Variants in LCA5 observed in about 807,000 individuals in gnomAD.
LCA5 encodes lebercilin LCA5.
In LCA5, 37 loss-of-function variants were observed where a neutral mutation model predicts 53.0. The observed-to-expected ratio is 0.70, with a 90% confidence interval of 0.54 to 0.92. The LOEUF (loss-of-function observed/expected upper bound fraction) is 0.92. Ranked by LOEUF, LCA5 falls within the 40% of genes least tolerant of loss-of-function variation. LCA5 has a pLI of 0.00. For missense variants in LCA5, 806 were observed against 790.5 expected (o/e 1.02, Z -0.23); for synonymous variants, 303 against 282.9 (o/e 1.07, Z -0.71).
intron 1 of LCA5, among the ~76,000 whole-genome samples, chr6:79,522,668 A>T (rs1306218478): frequency 6.6e-6 from 1 of 152,192 alleles, no homozygotes; most frequent in Non-Finnish European, 1.5e-5. Context: ...TTAAAAAATT[A>T]TAATCAAGAA....
At chr6:79,500,491 A>G (rs1770108426) in intron 3 of LCA5, among the ~76,000 whole-genome samples, 1 of 152,210 alleles carries the variant, frequency 6.6e-6, no homozygotes, top group African/African-American at 2.4e-5. Context: ...CAGCTGTTTT[A>G]ACATCTGTTC....
At chr6:79,507,123 T>C (rs9352743) in intron 3 of LCA5, among the ~76,000 whole-genome samples, 18,123 of 152,162 alleles carry the variant, frequency 0.12, 1,969 homozygotes, top group East Asian at 0.58. Flanking sequence ...CTCAATTTTC[T>C]TCATACTTAT....
At chr6:79,534,250 G>T (rs1767043837) in intron 1 of LCA5, among the ~76,000 whole-genome samples, 1 of 151,766 alleles carries the variant, frequency 6.6e-6, no homozygotes, top group Non-Finnish European at 1.5e-5. Context: ...TTTAAAGTAT[G>T]ATCAAATATG....
chr6:79,497,744 G>A (rs772755854), intron 3 of LCA5, among the ~76,000 whole-genome samples: 1 of 152,074 alleles, frequency 6.6e-6, no homozygotes, highest in African/African-American at 2.4e-5. Context: ...GGAGGCCGAC[G>A]CGGGCAGATC....
At chr6:79,492,433 C>T (rs1387579541) in intron 5 of LCA5, 118 bp downstream of exon 5, 2 of 488,448 alleles carry the variant, frequency 4.1e-6, no homozygotes, top group Non-Finnish European at 3.7e-6. Context: ...GCAACAAATA[C>T]ATTTATTTTA....
chr6:79,492,613 T>A lies in LCA5; in HGVS notation c.893A>T (p.Tyr298Phe), dbSNP rs934682734. 2 of 1,564,730 alleles carry A rather than the reference T, an allele frequency of 1.3e-6. No homozygotes were observed. Among genetic ancestry groups the A allele is most frequent in the Admixed American group, 3.4e-5 (2 of 58,504 alleles). The change falls in exon 5 of 8, where the codon TAT (tyrosine) becomes TTT (phenylalanine). Residue 298 changes from tyrosine to phenylalanine, a missense_variant. By Grantham distance (22) the Tyr-to-Phe change is conservative. Coordinates refer to ENST00000369846, the MANE Select transcript of LCA5 (RefSeq NM_001122769.3). ...KERELDIKNI[Y>F]SNRLPKSSPN... is the part of the protein sequence containing the mutation. The stretch of plus-strand genomic sequence containing the variant: ...AGAGGACTTTGGCAGACGATTAGAA[T>A]ATATATTTTTTATATCCAGTTCTCT...
At chr6:79,536,279 T>A (rs1767116704) in intron 1 of LCA5, among the ~76,000 whole-genome samples, 1 of 151,958 alleles carries the variant, frequency 6.6e-6, no homozygotes, top group South Asian at 2.1e-4. Context: ...GAAACATCGG[T>A]TTTACCATTC....
At chr6:79,494,852 G>T (rs1461082772) in intron 3 of LCA5, among the ~76,000 whole-genome samples, 4 of 152,186 alleles carry the variant, frequency 2.6e-5, no homozygotes, top group African/African-American at 7.2e-5. Context: ...CAGGGTAAAT[G>T]TTAAGAAATA....
chr6:79,530,371 G>A (rs1766922030), intron 1 of LCA5, among the ~76,000 whole-genome samples: 1 of 152,102 alleles, frequency 6.6e-6, no homozygotes, highest in Non-Finnish European at 1.5e-5. Flanking sequence ...TGAAGGGTGG[G>A]ATGAGGGAGG....
intron 1 of LCA5, among the ~76,000 whole-genome samples, chr6:79,536,729 C>T (rs756344888): frequency 1.3e-4 from 20 of 152,176 alleles, no homozygotes; most frequent in Non-Finnish European, 2.2e-4. Flanking sequence ...CCTCCTTTTC[C>T]GTCTTGGCCC....
chr6:79,513,445 G>T lies in LCA5; in HGVS notation c.487C>A (p.Arg163Ser). 1 of 1,613,670 alleles carries T rather than the reference G, an allele frequency of 6.2e-7. No homozygotes were observed. Residue 163 changes from arginine to serine, a missense_variant, in exon 3 of 8, where the codon CGT becomes AGT. By Grantham distance (110) the Arg-to-Ser change is moderately radical (BLOSUM62 -1). Transcript: ENST00000369846. Reference protein sequence around the residue: ...AENEISQLIFRHNNEITALKE... With the variant: ...AENEISQLIFSHNNEITALKE... ...AGTGCTGTAATCTCATTGTTATGAC[G>T]AAATATAAGTTGTGAGATTTCATTT...
At chr6:79,508,751 A>G (rs1770334575) in intron 3 of LCA5, among the ~76,000 whole-genome samples, 1 of 152,182 alleles carries the variant, frequency 6.6e-6, no homozygotes, top group South Asian at 2.1e-4. Flanking sequence ...GGATTTTCTT[A>G]GGTTTTAGTT....
At chr6:79,491,129 C>A (rs1003590057) in intron 6 of LCA5, among the ~76,000 whole-genome samples, 3 of 151,770 alleles carry the variant, frequency 2.0e-5, no homozygotes, top group Admixed American at 1.3e-4. Flanking sequence ...GATAAAAGTA[C>A]TGAGGGTTTT....
In LCA5 at chr6:79,516,986, A is replaced by G. The variant is rs1766457445; in HGVS notation, c.190+1719T>C. Among the ~76,000 whole-genome samples, 4 of 152,034 alleles carry G rather than the reference A, an allele frequency of 2.6e-5. 1 individual carries two copies. In the South Asian group the frequency reaches 8.3e-4, roughly 31 times the overall value. On this transcript the variant is annotated intron_variant, in intron 2 of 7. Transcript: ENST00000369846. ...ATACTGCATGAATTTTATGCAAAAAAAAGTAAAGTATGCTGAAAATTAAGG... is the reference window on the plus strand; with the variant it reads ...ATACTGCATGAATTTTATGCAAAAAGAAGTAAAGTATGCTGAAAATTAAGG...
chr6:79,492,576 C>T lies in LCA5; in HGVS notation c.930G>A (p.Glu310=), dbSNP rs1213714915. ...CATTTTTTCTTAATGCAAGTTCTTT[C>T]TCTTTATTTGGAGAGGACTTTGGCA... ...NRLPKSSPNK[E]KELALRKNAA... Residue 310 remains glutamate, a synonymous_variant, in exon 5 of 8, where the codon GAG becomes GAA. Transcript: ENST00000369846. The T allele has an allele frequency of 3.2e-6, 5 of 1,550,580 alleles. No individual in the cohort carries two copies. Among genetic ancestry groups the T allele is most frequent in the Non-Finnish European group, 4.4e-6 (5 of 1,129,178 alleles).
intron 3 of LCA5, among the ~76,000 whole-genome samples, chr6:79,512,032 T>A (rs146600705): frequency 1.8e-4 from 27 of 152,292 alleles, no homozygotes; most frequent in African/African-American, 6.0e-4. Flanking sequence ...TAGTTTTATA[T>A]ACACACTCAG....
chr6:79,491,887 C>T (rs1769855450), intron 5 of LCA5, among the ~76,000 whole-genome samples, 157 bp from the exon 6 acceptor site: 2 of 151,614 alleles, frequency 1.3e-5, no homozygotes, highest in Non-Finnish European at 2.9e-5. Flanking sequence ...ATATATTCAC[C>T]TATATATATT....
At chr6:79,527,705 A>G (rs1167259744) in intron 1 of LCA5, among the ~76,000 whole-genome samples, 1 of 152,236 alleles carries the variant, frequency 6.6e-6, no homozygotes, top group African/African-American at 2.4e-5. Flanking sequence ...AATAACTGCC[A>G]GAATTTAAAA....
chr6:79,505,070 A>C (rs1770240389), intron 3 of LCA5, among the ~76,000 whole-genome samples: 1 of 152,118 alleles, frequency 6.6e-6, no homozygotes, highest in Non-Finnish European at 1.5e-5. Flanking sequence ...TTCATTGTCT[A>C]TCCTTTTGTA....
Sources: gnomAD v4.1 joint callset for allele counts (sites outside exome capture counted in the v4.1 genomes callset) on GRCh38, gnomAD v4.1.1 for gene constraint, MANE v1.5 for transcripts, NCBI Gene and HGNC (gene_info 2026-07-23, HGNC 2026-07-21) for gene names.